PDE11A: variants seen among roughly 807,000 people sequenced by gnomAD.
The protein encoded by PDE11A is phosphodiesterase 11A.
Under a neutral mutation model 100.5 loss-of-function variants are expected in PDE11A, and 100 were observed. That is an observed-to-expected ratio of 1.00 (90% CI 0.85 to 1.18). The LOEUF (loss-of-function observed/expected upper bound fraction) is 1.18. PDE11A is among the 50% of genes most tolerant of loss of function. The pLI is 0.00. For synonymous variants in PDE11A, 381 were observed against 420.8 expected (o/e 0.91, Z 1.16); for missense variants, 1,141 against 1,152.6 (o/e 0.99, Z 0.15).
chr2:177,732,459 G>A (rs2105453038), intron 10 of PDE11A, among the ~76,000 whole-genome samples: 1 of 152,268 alleles, frequency 6.6e-6, no homozygotes, highest in Admixed American at 6.5e-5. Context: ...GTTCTGAATT[G>A]GCAAAGGAGG....
In PDE11A at chr2:177,830,226, C is replaced by A. The variant is rs897589979; in HGVS notation, c.1501-9931G>T. Among the ~76,000 whole-genome samples, 4 of 152,332 alleles carry A rather than the reference C, an allele frequency of 2.6e-5. No homozygotes were observed. The East Asian group carries it at 5.8e-4, about 22-fold the overall frequency. ...TTCCACACGGCCAATATCTTAATTT[C>A]AGCCTTGTGAGACCCTGAGCAGAGA... On this transcript the variant is annotated intron_variant, in intron 6 of 19. Transcript: ENST00000286063.
chr2:178,107,968 C>A (rs556789382), intron 1 of PDE11A, among the ~76,000 whole-genome samples: 1 of 152,202 alleles, frequency 6.6e-6, no homozygotes, highest in African/African-American at 2.4e-5. Flanking sequence ...GATCCGCCTG[C>A]CACGGCTTCC....
At chr2:178,015,223 T>C (rs1353429184) in intron 1 of PDE11A, among the ~76,000 whole-genome samples, 3 of 152,150 alleles carry the variant, frequency 2.0e-5, no homozygotes, top group East Asian at 1.9e-4. Context: ...CATCACTCTT[T>C]AGAAGAAAAA....
chr2:178,025,875 A>T (rs1300572583), intron 1 of PDE11A, among the ~76,000 whole-genome samples: 6 of 152,218 alleles, frequency 3.9e-5, no homozygotes, highest in Non-Finnish European at 1.5e-5. Context: ...ACTGCAATGA[A>T]TCAGGGAAAT....
intron 10 of PDE11A, among the ~76,000 whole-genome samples, chr2:177,760,547 T>C (rs569044633): frequency 4.6e-5 from 7 of 152,358 alleles, no homozygotes; most frequent in African/African-American, 1.7e-4. Flanking sequence ...TGTTGTTTTA[T>C]GTTTTATTTT....
intron 5 of PDE11A, among the ~76,000 whole-genome samples, chr2:177,855,650 C>G (rs1217402401): frequency 1.3e-5 from 2 of 151,990 alleles, no homozygotes; most frequent in East Asian, 1.9e-4. Flanking sequence ...TCCATGGAAA[C>G]CTCCATTCAC....
chr2:177,738,167 T>A (rs964340435), intron 10 of PDE11A, among the ~76,000 whole-genome samples: 12 of 152,192 alleles, frequency 7.9e-5, no homozygotes, highest in Admixed American at 3.9e-4. Context: ...GGGCAGTTTT[T>A]AGTAGAAGAC....
intron 6 of PDE11A, 119 bp from the exon 7 acceptor site, chr2:177,820,414 C>T (rs1445161756): frequency 3.0e-6 from 2 of 669,434 alleles, no homozygotes; most frequent in Non-Finnish European, 5.4e-6. Flanking sequence ...ATTTTATACA[C>T]TGTAACCTAA....
intron 2 of PDE11A, among the ~76,000 whole-genome samples, chr2:178,101,061 T>C (rs1007598331): frequency 1.3e-5 from 2 of 152,210 alleles, no homozygotes; most frequent in African/African-American, 4.8e-5. Flanking sequence ...ACAAGTTTAA[T>C]ACTACCTGCC....
At chr2:177,848,768 T>C (rs1172105462) in intron 5 of PDE11A, among the ~76,000 whole-genome samples, 1 of 152,054 alleles carries the variant, frequency 6.6e-6, no homozygotes, top group East Asian at 1.9e-4. Context: ...GGTAAATCAA[T>C]ACGAGCAAAG....
intron 2 of PDE11A, among the ~76,000 whole-genome samples, chr2:177,909,639 T>C (rs1375238869): frequency 1.3e-5 from 2 of 152,230 alleles, no homozygotes; most frequent in Admixed American, 6.5e-5. Flanking sequence ...ATTGTTATTA[T>C]TAATGTTTGT....
At chr2:178,018,395 C>A in intron 1 of PDE11A, 4 of 86,830 alleles carry the variant, frequency 4.6e-5, no homozygotes, top group African/African-American at 1.1e-4. Flanking sequence ...TTAACCTTTG[C>A]CGGGCTTTGT....
chr2:177,842,788 G>C (rs1413162089), intron 5 of PDE11A, among the ~76,000 whole-genome samples: 1 of 152,194 alleles, frequency 6.6e-6, no homozygotes, highest in Non-Finnish European at 1.5e-5. Flanking sequence ...ACTGCCTGTG[G>C]CCCTATTAGC....
At chr2:178,096,109 A>G (rs2087485174) in intron 2 of PDE11A, among the ~76,000 whole-genome samples, 1 of 151,792 alleles carries the variant, frequency 6.6e-6, no homozygotes, top group Non-Finnish European at 1.5e-5. Context: ...CTTGTTACTT[A>G]CAGAAATTTC....
chr2:177,894,505 G>C (rs1024088860), intron 4 of PDE11A, among the ~76,000 whole-genome samples: 2 of 151,964 alleles, frequency 1.3e-5, no homozygotes, highest in African/African-American at 4.8e-5. Flanking sequence ...TTGGCCAAGG[G>C]GACCCAAGAA....
At chr2:178,095,635 C>G (rs1196209438) in intron 2 of PDE11A, among the ~76,000 whole-genome samples, 2 of 152,232 alleles carry the variant, frequency 1.3e-5, no homozygotes, top group Non-Finnish European at 2.9e-5. Context: ...TGATGGGGCT[C>G]CAACCCACAT....
At chr2:177,910,290 G>C (rs757733753) in intron 2 of PDE11A, among the ~76,000 whole-genome samples, 10 of 152,066 alleles carry the variant, frequency 6.6e-5, no homozygotes, top group Non-Finnish European at 1.2e-4. Flanking sequence ...GGAGAAGCAG[G>C]CAAATACATT....
chr2:177,872,670 T>C (rs976219231), intron 5 of PDE11A, among the ~76,000 whole-genome samples: 2 of 152,194 alleles, frequency 1.3e-5, no homozygotes, highest in African/African-American at 2.4e-5. Context: ...CTGACTGATG[T>C]TCAGAGGACT....
At chr2:178,084,816 G>A (rs529678926) in intron 2 of PDE11A, among the ~76,000 whole-genome samples, 1 of 149,814 alleles carries the variant, frequency 6.7e-6, no homozygotes, top group South Asian at 2.1e-4. Flanking sequence ...CTATTGTCAT[G>A]TGACTTGCAT....
Sources: gnomAD v4.1 joint callset for allele counts (sites outside exome capture counted in the v4.1 genomes callset) on GRCh38, gnomAD v4.1.1 for gene constraint, MANE v1.5 for transcripts, NCBI Gene and HGNC (gene_info 2026-07-23, HGNC 2026-07-21) for gene names.